MYO10: variants seen among roughly 807,000 people sequenced by gnomAD.
MYO10 encodes unconventional myosin-X.
MYO10 carries 133 observed loss-of-function variants against 257.3 expected under a neutral mutation model. The ratio of observed to expected loss-of-function variants is 0.52; its 90% CI spans 0.45 to 0.60. The LOEUF is 0.60. MYO10 is among the 20% of genes least tolerant of loss of function. The pLI, the probability that MYO10 is intolerant of heterozygous loss-of-function variation, is 0.00. For missense variants in MYO10, 2,399 were observed against 2,635.7 expected, an observed-to-expected ratio of 0.91 and a Z score of 1.97; for synonymous variants, 1,104 against 1,028.6, an observed-to-expected ratio of 1.07 and a Z score of -1.40.
chr5:16,879,820 G>A (rs541194354), intron 1 of MYO10, among the ~76,000 whole-genome samples: 5 of 152,286 alleles, frequency 3.3e-5, no homozygotes, highest in African/African-American at 7.2e-5. Context: ...CATTTAAGAC[G>A]ACACAAAATC....
At chr5:16,756,178 T>G (rs1195056072) in intron 18 of MYO10, among the ~76,000 whole-genome samples, 1 of 152,170 alleles carries the variant, frequency 6.6e-6, no homozygotes, top group African/African-American at 2.4e-5. Context: ...ACTCAAGTGA[T>G]CCTCCTACCT....
chr5:16,766,030 A>G lies in MYO10; in HGVS notation c.1179+50T>C, dbSNP rs370810712. The G allele has an allele frequency of 2.4e-5, 33 of 1,358,362 alleles. No individual in the cohort carries two copies. In the African/African-American group the frequency reaches 4.7e-4, roughly 20 times the overall value. The allele number at this position is 1,358,362 out of a possible 1,614,324, so 84.1% of individuals were successfully genotyped here. ...ATTTCAATCAAACCTATGGATCTGA[A>G]AACCCAGGAGTGTCTAGTAACGCAA... On this transcript the variant is annotated intron_variant, in intron 11 of 40. Coordinates refer to ENST00000513610, the MANE Select transcript of MYO10 (RefSeq NM_012334.3).
intron 2 of MYO10, among the ~76,000 whole-genome samples, chr5:16,869,831 C>T (rs1744399960): frequency 6.7e-6 from 1 of 149,974 alleles, no homozygotes; most frequent in South Asian, 2.1e-4. Flanking sequence ...CACCACTGCA[C>T]TCCAGCTGGG....
intron 3 of MYO10, among the ~76,000 whole-genome samples, chr5:16,812,529 C>T (rs17651119): frequency 0.026 from 3,939 of 152,282 alleles, 188 homozygotes; most frequent in East Asian, 0.2. Flanking sequence ...CCCTCAATGA[C>T]AGGACTTCAG....
chr5:16,683,832 A>G lies in MYO10; in HGVS notation c.4046+48T>C, dbSNP rs766802023. The G allele has an allele frequency of 1.2e-5, 18 of 1,560,538 alleles. No homozygotes were observed. In the African/African-American group the frequency reaches 2.4e-4, roughly 21 times the overall value. On this transcript the variant is annotated intron_variant, in intron 30 of 40. Coordinates refer to ENST00000513610, the MANE Select transcript of MYO10 (RefSeq NM_012334.3). ...CCCAGCAGCACAGACACCTGTGGAC[A>G]CACACAGGTGATGAGCTGTTTTTGT...
chr5:16,827,032 A>G (rs544961193), intron 2 of MYO10, among the ~76,000 whole-genome samples: 9 of 152,214 alleles, frequency 5.9e-5, no homozygotes, highest in Non-Finnish European at 1.3e-4. Flanking sequence ...GTCTAAGAAG[A>G]AAACAATCCA....
Position 16,678,284 on chromosome 5 carries a change from G to T in MYO10, c.4542+1663C>A, listed in dbSNP as rs144371295. 4.2e-4 allele frequency among the ~76,000 whole-genome samples: 64 copies of T among 152,220 alleles called. 2 individuals are homozygous for T. In the East Asian group the frequency reaches 0.011, roughly 27 times the overall value. ...CTGAATCTGGTTCCAACTGGGCTGGGTGTGGTGGCTCAAGGCCAGTCCCAG... is the reference window on the plus strand; with the variant it reads ...CTGAATCTGGTTCCAACTGGGCTGGTTGTGGTGGCTCAAGGCCAGTCCCAG... On this transcript the variant is annotated intron_variant, in intron 33 of 40. Transcript: ENST00000513610.
intron 3 of MYO10, among the ~76,000 whole-genome samples, chr5:16,804,566 G>A (rs1052200443): frequency 2.0e-5 from 3 of 152,162 alleles, no homozygotes; most frequent in East Asian, 3.9e-4. Flanking sequence ...GTTCCCAATC[G>A]TTTATTTCAA....
At chr5:16,689,221 T>C (rs996206378) in intron 28 of MYO10, among the ~76,000 whole-genome samples, 2 of 152,234 alleles carry the variant, frequency 1.3e-5, no homozygotes, top group African/African-American at 4.8e-5. Flanking sequence ...AAAGAGTTAA[T>C]ATTTATGAAG....
chr5:16,672,946 A>G, intron 36 of MYO10, 121 bp from the exon 37 acceptor site: 3 of 1,150,154 alleles, frequency 2.6e-6, no homozygotes, highest in Non-Finnish European at 3.6e-6. Flanking sequence ...CCAGCCTCCT[A>G]AAAATGTTAC....
At chr5:16,817,276 T>C (rs563593867) in intron 3 of MYO10, among the ~76,000 whole-genome samples, 2 of 152,316 alleles carry the variant, frequency 1.3e-5, no homozygotes, top group East Asian at 3.9e-4. Flanking sequence ...TAAACATACA[T>C]AACCAGTTGC....
At chr5:16,750,513 C>G (rs1390682243) in intron 19 of MYO10, among the ~76,000 whole-genome samples, 1 of 152,092 alleles carries the variant, frequency 6.6e-6, no homozygotes, top group Non-Finnish European at 1.5e-5. Flanking sequence ...GGAGGAGAGG[C>G]AGCCTGCCGT....
intron 4 of MYO10, among the ~76,000 whole-genome samples, chr5:16,789,203 T>C (rs1741681105): frequency 6.6e-6 from 1 of 152,214 alleles, no homozygotes; most frequent in African/African-American, 2.4e-5. Context: ...GCATACTGAG[T>C]GCTTTCACAC....
intron 2 of MYO10, among the ~76,000 whole-genome samples, chr5:16,863,222 C>T (rs1486039255): frequency 6.6e-6 from 1 of 152,232 alleles, no homozygotes; most frequent in East Asian, 1.9e-4. Flanking sequence ...CATGTGCATT[C>T]GGCTAGAACC....
In MYO10 at chr5:16,701,307, AAG is replaced by A; in HGVS notation, c.3086_3087del (p.Ser1029PhefsTer66). On this transcript the variant is annotated frameshift_variant, in exon 25 of 41. Coordinates refer to ENST00000513610, the MANE Select transcript of MYO10 (RefSeq NM_012334.3). LOFTEE classifies it high-confidence loss of function. The surrounding 1 kb of genome is among the most constrained non-coding windows in gnomAD (Gnocchi z 8.1). The part of the protein sequence containing the change: ...RTSGIRTSDD[S>X]SEEDPYMNDT... Reference sequence around the variant, plus strand: ...TCGTTCATGTATGGGTCCTCCTCTGAAGAGTCATCGCTGGTCCGGATGCCACT... The same window carrying A: ...TCGTTCATGTATGGGTCCTCCTCTGAAGTCATCGCTGGTCCGGATGCCACT... 6.2e-7 allele frequency: 1 copy of A among 1,613,854 alleles called. No homozygotes were observed. Among genetic ancestry groups the A allele is most frequent in the Admixed American group, 1.7e-5 (1 of 60,014 alleles).
chr5:16,757,196 G>A (rs1560968188), intron 18 of MYO10, among the ~76,000 whole-genome samples: 1 of 150,954 alleles, frequency 6.6e-6, no homozygotes, highest in African/African-American at 2.4e-5. Context: ...AGGCTGAGGG[G>A]GGAGAATCAC....
intron 4 of MYO10, among the ~76,000 whole-genome samples, chr5:16,783,754 G>A (rs1741493109): frequency 6.6e-6 from 1 of 152,198 alleles, no homozygotes; most frequent in Non-Finnish European, 1.5e-5. Flanking sequence ...CACAGGGAAG[G>A]TAAGCTCTGG....
At chr5:16,815,383 C>T (rs1742572402) in intron 3 of MYO10, 1 of 687,784 alleles carries the variant, frequency 1.5e-6, no homozygotes, top group South Asian at 1.6e-5. Flanking sequence ...TTCAGCAACA[C>T]ATCAGCATGC....
intron 1 of MYO10, among the ~76,000 whole-genome samples, chr5:16,908,852 G>A (rs1329378015): frequency 6.6e-6 from 1 of 152,200 alleles, no homozygotes; most frequent in African/African-American, 2.4e-5. Flanking sequence ...TATGCCCAGT[G>A]AAAGCAGCCA....
Sources: gnomAD v4.1 joint callset for allele counts (sites outside exome capture counted in the v4.1 genomes callset) on GRCh38, gnomAD v4.1.1 for gene constraint, Gnocchi (gnomAD v3.1) non-coding constraint, MANE v1.5 for transcripts, NCBI Gene and HGNC (gene_info 2026-07-23, HGNC 2026-07-21) for gene names.